The following KCNAB1 variants were observed in gnomAD, a reference collection of about 807,000 sequenced individuals.
KCNAB1 encodes potassium voltage-gated channel subfamily A regulatory beta subunit 1.
In KCNAB1, 35 loss-of-function variants were observed where a neutral mutation model predicts 64.6. The ratio of observed to expected loss-of-function variants is 0.54; its 90% CI spans 0.41 to 0.72. KCNAB1 has a LOEUF of 0.72. Among genes scored for constraint, KCNAB1 ranks in the 30% least tolerant of loss-of-function variants. The pLI is 0.00. For missense variants in KCNAB1, 401 were observed against 512.9 expected, an observed-to-expected ratio of 0.78 and a Z score of 2.11; for synonymous variants, 177 against 183.8, an observed-to-expected ratio of 0.96 and a Z score of 0.30.
At chr3:156,328,227 A>T (rs1375752578) in intron 1 of KCNAB1, among the ~76,000 whole-genome samples, 3 of 152,140 alleles carry the variant, frequency 2.0e-5, no homozygotes, top group Non-Finnish European at 4.4e-5. Context: ...TGGATAGTGG[A>T]AGTAGATCAT....
At chr3:156,270,784 A>G (rs1027291805) in intron 1 of KCNAB1, among the ~76,000 whole-genome samples, 1 of 152,192 alleles carries the variant, frequency 6.6e-6, no homozygotes, top group African/African-American at 2.4e-5. Flanking sequence ...TGAGCTTTGT[A>G]TCTTCACATG....
intron 1 of KCNAB1, among the ~76,000 whole-genome samples, chr3:156,345,570 A>T (rs1724430981): frequency 6.6e-6 from 1 of 152,252 alleles, no homozygotes. Flanking sequence ...ATTCTGTTGG[A>T]TGCAGGGCTG....
intron 1 of KCNAB1, among the ~76,000 whole-genome samples, chr3:156,177,989 G>T (rs1460728770): frequency 1.3e-5 from 2 of 152,148 alleles, no homozygotes; most frequent in African/African-American, 4.8e-5. Context: ...ACCCGCCTTG[G>T]CCTCCCAAAG....
At chr3:156,509,097 AAGAG>A (rs543658891) in intron 8 of KCNAB1, among the ~76,000 whole-genome samples, 8 of 151,346 alleles carry the variant, frequency 5.3e-5, no homozygotes, top group African/African-American at 1.9e-4. Flanking sequence ...GAGGGAGAGG[AAGAG>A]AGAGAGAGAG....
chr3:156,270,653 GA>G (rs1316719270), intron 1 of KCNAB1, among the ~76,000 whole-genome samples: 2 of 152,036 alleles, frequency 1.3e-5, no homozygotes, highest in Non-Finnish European at 2.9e-5. Flanking sequence ...GCGCTGTCTT[GA>G]AAAGTTCTCG....
Position 156,335,456 on chromosome 3 carries a change from C to A in KCNAB1, c.276-86160C>A, listed in dbSNP as rs144098739. 3.1e-3 allele frequency among the ~76,000 whole-genome samples: 475 copies of A among 152,350 alleles called. 5 individuals are homozygous for A. Among genetic ancestry groups the A allele is most frequent in the African/African-American group, 0.011 (451 of 41,588 alleles). ...CACATACTATGAAATTATTTACACA[C>A]GTGTCTGGTCTTCCCTTGACTGTGA... On this transcript the variant is annotated intron_variant, in intron 1 of 13. Transcript: ENST00000490337.
chr3:156,253,209 A>C (rs1560159801), intron 1 of KCNAB1, among the ~76,000 whole-genome samples: 1 of 152,222 alleles, frequency 6.6e-6, no homozygotes, highest in Non-Finnish European at 1.5e-5. Context: ...AATTTAAAGA[A>C]ATAGTTTAAG....
At chr3:156,132,712 G>A (rs956409965) in intron 1 of KCNAB1, among the ~76,000 whole-genome samples, 4 of 152,196 alleles carry the variant, frequency 2.6e-5, no homozygotes, top group Admixed American at 2.6e-4. Flanking sequence ...TTTAAGGGGA[G>A]CTTCTACAAC....
intron 1 of KCNAB1, among the ~76,000 whole-genome samples, chr3:156,277,926 A>G (rs1719439875): frequency 6.6e-6 from 1 of 152,196 alleles, no homozygotes. Flanking sequence ...TTTGATGGAT[A>G]GCAACAGGTG....
intron 1 of KCNAB1, among the ~76,000 whole-genome samples, chr3:156,376,046 C>T (rs968631140): frequency 6.6e-6 from 1 of 152,234 alleles, no homozygotes; most frequent in African/African-American, 2.4e-5. Flanking sequence ...TCTTGAACTC[C>T]TGACCTCAAG....
intron 1 of KCNAB1, among the ~76,000 whole-genome samples, chr3:156,333,319 A>AACACACACACACACACAC (rs10641743): frequency 7.0e-6 from 1 of 143,302 alleles, no homozygotes; most frequent in African/African-American, 2.6e-5. Flanking sequence ...CGCACATAGA[A>AACACACACACACACACAC]ACACACACAC....
At position 156,154,722 on chromosome 3, in the gene KCNAB1, C is replaced by G. The variant is rs1469840344; in HGVS notation, c.275+33836C>G. Among the ~76,000 whole-genome samples the G allele has an allele frequency of 3.3e-5, 5 of 152,186 alleles. No individual in the cohort carries two copies. In the South Asian group the frequency reaches 1.0e-3, roughly 31 times the overall value. On this transcript the variant is annotated intron_variant, in intron 1 of 13. Transcript: ENST00000490337. ...GGTTTTCTTACTTAAGTCTGCCCTA[C>G]TCTACCACTTTGGCAAGACCCTGGC...
intron 1 of KCNAB1, among the ~76,000 whole-genome samples, chr3:156,244,451 G>A (rs1717341360): frequency 6.6e-6 from 1 of 151,940 alleles, no homozygotes; most frequent in Non-Finnish European, 1.5e-5. Flanking sequence ...GTCCCTTTTT[G>A]CCATGTAAAG....
intron 2 of KCNAB1, among the ~76,000 whole-genome samples, chr3:156,423,577 A>G (rs1451958595): frequency 6.6e-6 from 1 of 152,236 alleles, no homozygotes; most frequent in African/African-American, 2.4e-5. Flanking sequence ...TAGGCCACAC[A>G]GTGACAAGAT....
intron 1 of KCNAB1, among the ~76,000 whole-genome samples, chr3:156,369,623 C>T (rs532524647): frequency 2.6e-5 from 4 of 152,318 alleles, no homozygotes; most frequent in African/African-American, 9.6e-5. Context: ...CTCACCAAAC[C>T]TCACATACCA....
chr3:156,186,800 C>A (rs981293496), intron 1 of KCNAB1, among the ~76,000 whole-genome samples: 1 of 151,658 alleles, frequency 6.6e-6, no homozygotes. Flanking sequence ...CCCTTTTATA[C>A]TCCTCTCCTG....
intron 2 of KCNAB1, among the ~76,000 whole-genome samples, chr3:156,423,329 C>T (rs980800629): frequency 1.1e-4 from 16 of 152,068 alleles, no homozygotes; most frequent in Non-Finnish European, 1.5e-4. Context: ...TTCTTGAGGA[C>T]GTGAGAAGCA....
chr3:156,190,652 G>A (rs779102549), intron 1 of KCNAB1, among the ~76,000 whole-genome samples: 28 of 152,114 alleles, frequency 1.8e-4, no homozygotes, highest in Non-Finnish European at 3.7e-4. Flanking sequence ...CCTTGGGAGG[G>A]CCAAATAAGG....
At chr3:156,152,056 T>A (rs1279666985) in intron 1 of KCNAB1, among the ~76,000 whole-genome samples, 1 of 152,212 alleles carries the variant, frequency 6.6e-6, no homozygotes, top group Non-Finnish European at 1.5e-5. Flanking sequence ...TCCTGGATAT[T>A]GTTACCGTGT....
Sources: allele counts gnomAD v4.1 joint callset (sites outside exome capture counted in the v4.1 genomes callset), GRCh38; gene constraint gnomAD v4.1.1; transcripts MANE v1.5; gene names NCBI Gene and HGNC (gene_info 2026-07-23, HGNC 2026-07-21).